EYA2: variants seen among roughly 807,000 people sequenced by gnomAD.
EYA2 encodes protein phosphatase EYA2.
In EYA2, 31 loss-of-function variants were observed where a neutral mutation model predicts 69.2. The ratio of observed to expected loss-of-function variants is 0.45; its 90% CI spans 0.34 to 0.60. The LOEUF (loss-of-function observed/expected upper bound fraction) is 0.60. Among genes scored for constraint, EYA2 ranks in the 20% least tolerant of loss-of-function variants. The pLI, the probability that EYA2 is intolerant of heterozygous loss-of-function variation, is 0.02. For synonymous variants in EYA2, 257 were observed against 279.4 expected, an observed-to-expected ratio of 0.92 and a Z score of 0.80; for missense variants, 622 against 701.2, an observed-to-expected ratio of 0.89 and a Z score of 1.28.
chr20:47,124,137 G>T (rs959250997), intron 9 of EYA2, among the ~76,000 whole-genome samples: 2 of 152,192 alleles, frequency 1.3e-5, no homozygotes, highest in Non-Finnish European at 2.9e-5. Flanking sequence ...GGGTGCTGAT[G>T]ACAAGTGACA....
intron 1 of EYA2, among the ~76,000 whole-genome samples, chr20:46,930,018 T>G (rs1459464273): frequency 1.3e-5 from 2 of 152,220 alleles, no homozygotes. Context: ...GGAAAATATG[T>G]TTCTGATTTG....
intron 1 of EYA2, among the ~76,000 whole-genome samples, chr20:46,903,547 G>T (rs567680464): frequency 2.6e-4 from 40 of 152,266 alleles, no homozygotes; most frequent in African/African-American, 9.1e-4. Context: ...CAGGAGCCAG[G>T]CTGCTCAGGT....
chr20:47,043,007 T>C (rs1488998012), intron 5 of EYA2, among the ~76,000 whole-genome samples: 2 of 152,120 alleles, frequency 1.3e-5, no homozygotes, highest in African/African-American at 4.8e-5. Context: ...GAAGCAGATA[T>C]TGAGTAGGCA....
intron 1 of EYA2, among the ~76,000 whole-genome samples, chr20:46,986,858 C>T (rs1358406316): frequency 6.6e-6 from 1 of 152,154 alleles, no homozygotes; most frequent in Non-Finnish European, 1.5e-5. Flanking sequence ...AAACCTCTCC[C>T]ACTAGCCCCA....
chr20:47,091,726 C>T (rs2032092595), intron 8 of EYA2, among the ~76,000 whole-genome samples: 1 of 152,014 alleles, frequency 6.6e-6, no homozygotes, highest in Non-Finnish European at 1.5e-5. Context: ...GCCTGGGCGA[C>T]AAATTGAGAA....
intron 7 of EYA2, among the ~76,000 whole-genome samples, chr20:47,088,509 C>G (rs931206340): frequency 6.6e-6 from 1 of 152,144 alleles, no homozygotes; most frequent in Non-Finnish European, 1.5e-5. Context: ...ACTCCCTGAC[C>G]GAGGCCTTCC....
At chr20:47,148,058 C>CAAAAAAAAAAAAAAAAAAAAA (rs1264883844) in intron 10 of EYA2, among the ~76,000 whole-genome samples, 2 of 82,836 alleles carry the variant, frequency 2.4e-5, no homozygotes, top group African/African-American at 9.7e-5. Context: ...GACTCTGTCT[C>CAAAAAAAAAAAAAAAAAAAAA]AAAAAAAAAA....
intron 5 of EYA2, among the ~76,000 whole-genome samples, chr20:47,023,581 T>TCATTTTTCA (rs1388417026): frequency 6.6e-6 from 1 of 151,952 alleles, no homozygotes; most frequent in Non-Finnish European, 1.5e-5. Flanking sequence ...TACATCCATG[T>TCATTTTTCA]CATTTTTCAT....
At chr20:47,163,528 G>A (rs1194782917) in intron 10 of EYA2, among the ~76,000 whole-genome samples, 1 of 151,704 alleles carries the variant, frequency 6.6e-6, no homozygotes, top group Non-Finnish European at 1.5e-5. Flanking sequence ...GAGAAACCCC[G>A]TCTCTACTAA....
At chr20:46,923,715 G>A (rs898582707) in intron 1 of EYA2, among the ~76,000 whole-genome samples, 2 of 152,074 alleles carry the variant, frequency 1.3e-5, no homozygotes, top group African/African-American at 4.8e-5. Flanking sequence ...TGTGTGGAGA[G>A]AGAGAGAGGG....
intron 3 of EYA2, among the ~76,000 whole-genome samples, chr20:47,002,140 C>T (rs1438423924): frequency 6.6e-6 from 1 of 151,502 alleles, no homozygotes; most frequent in African/African-American, 2.4e-5. Context: ...CCTCCCCTTT[C>T]GTCCCCCATC....
chr20:46,978,120 A>T (rs1468922948), intron 1 of EYA2: 1 of 159,222 alleles, frequency 6.3e-6, no homozygotes, highest in African/African-American at 2.4e-5. Flanking sequence ...CCAGCAGTTC[A>T]TCTTGGGCCT....
At chr20:47,031,530 G>A (rs1984416140) in intron 5 of EYA2, among the ~76,000 whole-genome samples, 1 of 152,210 alleles carries the variant, frequency 6.6e-6, no homozygotes, top group African/African-American at 2.4e-5. Flanking sequence ...AGTGAAGCCA[G>A]TATTCACAAG....
At chr20:46,953,182 G>A (rs1978906779) in intron 1 of EYA2, among the ~76,000 whole-genome samples, 1 of 152,174 alleles carries the variant, frequency 6.6e-6, no homozygotes, top group African/African-American at 2.4e-5. Context: ...TGTCACTGAT[G>A]CTTTACATAT....
At chr20:47,178,212 C>T (rs565745031) in intron 12 of EYA2, among the ~76,000 whole-genome samples, 35 of 152,046 alleles carry the variant, frequency 2.3e-4, no homozygotes, top group South Asian at 8.3e-4. Flanking sequence ...TCTGTAGTTC[C>T]AGCTACTCAG....
intron 12 of EYA2, among the ~76,000 whole-genome samples, chr20:47,174,278 C>T (rs2034386049): frequency 6.6e-6 from 1 of 152,212 alleles, no homozygotes; most frequent in African/African-American, 2.4e-5. Flanking sequence ...CACTTCCAGT[C>T]GCAGCTCTAC....
rs1188505326 is a variant in EYA2, at chr20:47,179,855, C to T, written c.1256C>T (p.Ala419Val). 6.2e-7 allele frequency: 1 copy of T among 1,614,118 alleles called. No homozygotes were observed. The highest frequency in any genetic ancestry group is 8.5e-7 in the Non-Finnish European group (1 of 1,180,002). Residue 419 changes from alanine (A) to valine (V), a missense_variant, in exon 13 of 16, where the codon GCT becomes GTT. By Grantham distance (64) the Ala-to-Val change is moderately conservative. Around this residue, in one of 2 missense-constraint regions of EYA2, gnomAD observed 257 missense variants for 351.5 expected, o/e 0.73. Coordinates refer to ENST00000327619, the MANE Select transcript of EYA2 (RefSeq NM_005244.5). Reference sequence around the variant, plus strand: ...CTACAGCTCCGAGCTGAGCTGGAAGCTCTCACAGACCTCTGGCTGACCCAC... The same window carrying T: ...CTACAGCTCCGAGCTGAGCTGGAAGTTCTCACAGACCTCTGGCTGACCCAC... ...TWLQLRAELE[A>V]LTDLWLTHSL... is the part of the protein sequence containing the mutation.
rs558163912 is a variant in EYA2 at position 47,170,967 on chromosome 20, C to T, written c.1038-1740C>T. Among the ~76,000 whole-genome samples the T allele has an allele frequency of 5.9e-5, 9 of 152,366 alleles. No individual in the cohort carries two copies. The East Asian group carries it at 7.7e-4, about 13-fold the overall frequency. On this transcript the variant is annotated intron_variant, in intron 11 of 15. Coordinates refer to ENST00000327619, the MANE Select transcript of EYA2 (RefSeq NM_005244.5). ...CCCGGCACAATCGGAAGTGATCAGC[C>T]GGCAGATGCCTGCTTCATTTTAATC...
chr20:46,993,241 G>A (rs1022066191), intron 2 of EYA2, among the ~76,000 whole-genome samples: 2 of 152,214 alleles, frequency 1.3e-5, no homozygotes, highest in African/African-American at 4.8e-5. Flanking sequence ...TGGACTTAGT[G>A]TGCTTAAAAA....
Sources: allele counts gnomAD v4.1 joint callset (sites outside exome capture counted in the v4.1 genomes callset), GRCh38; gene constraint gnomAD v4.1.1; regional missense constraint gnomAD v4.1.1; transcripts MANE v1.5; gene names NCBI Gene and HGNC (gene_info 2026-07-23, HGNC 2026-07-21).